The following CAMK1D variants were observed in gnomAD, a reference collection of about 807,000 sequenced individuals.
CAMK1D encodes calcium/calmodulin-dependent protein kinase type 1D.
CAMK1D carries 9 observed loss-of-function variants against 47.7 expected under a neutral mutation model. The ratio of observed to expected loss-of-function variants is 0.19; its 90% CI spans 0.11 to 0.33. The LOEUF is 0.33. Among genes scored for constraint, CAMK1D ranks in the 10% least tolerant of loss-of-function variants. The pLI is 1.00. For missense variants in CAMK1D, 291 were observed against 488.7 expected (o/e 0.60, Z 3.81); for synonymous variants, 184 against 184.9 (o/e 0.99, Z 0.04).
At chr10:12,367,006 C>G (rs1837856829) in intron 1 of CAMK1D, among the ~76,000 whole-genome samples, 1 of 152,178 alleles carries the variant, frequency 6.6e-6, no homozygotes, top group African/African-American at 2.4e-5. Context: ...GTCCCCATCT[C>G]TATCCTCATG....
chr10:12,507,899 C>T (rs1305853865), intron 1 of CAMK1D, among the ~76,000 whole-genome samples: 1 of 152,170 alleles, frequency 6.6e-6, no homozygotes, highest in Non-Finnish European at 1.5e-5. Context: ...AATTCACCCC[C>T]TCTTCTCTCA....
intron 2 of CAMK1D, among the ~76,000 whole-genome samples, chr10:12,584,985 A>G (rs568672221): frequency 1.8e-4 from 27 of 152,320 alleles, no homozygotes; most frequent in Middle Eastern, 3.4e-3. Flanking sequence ...AGCAAGTCAC[A>G]TATAGATTTA....
intron 1 of CAMK1D, among the ~76,000 whole-genome samples, chr10:12,531,119 AG>A (rs1835792516): frequency 6.6e-6 from 1 of 152,098 alleles, no homozygotes. Flanking sequence ...ACAGGCTTCA[AG>A]GACCCTACAT....
chr10:12,725,407 G>A (rs995642544), intron 3 of CAMK1D: 1 of 155,460 alleles, frequency 6.4e-6, no homozygotes, highest in East Asian at 1.9e-4. Context: ...CAAAAGTAGG[G>A]GGTTTTCTTC....
chr10:12,752,572 A>G (rs1265838384), intron 3 of CAMK1D, among the ~76,000 whole-genome samples: 8 of 152,168 alleles, frequency 5.3e-5, no homozygotes, highest in South Asian at 4.1e-4. Context: ...CTGTACTTGT[A>G]CCCCTTAAAT....
chr10:12,741,764 A>G (rs1835441502), intron 3 of CAMK1D, among the ~76,000 whole-genome samples: 1 of 152,112 alleles, frequency 6.6e-6, no homozygotes, highest in South Asian at 2.1e-4. Flanking sequence ...GGGCCAGGGA[A>G]GGGAATTGGG....
intron 2 of CAMK1D, among the ~76,000 whole-genome samples, chr10:12,593,339 C>T (rs1289653573): frequency 6.6e-6 from 1 of 152,190 alleles, no homozygotes; most frequent in African/African-American, 2.4e-5. Flanking sequence ...CCTGTAATCC[C>T]AGCACTTCGG....
chr10:12,764,380 T>TTAAAAAA (rs1836645184), intron 4 of CAMK1D, among the ~76,000 whole-genome samples: 1 of 2,872 alleles, frequency 3.5e-4, no homozygotes. Flanking sequence ...ACACTTTGTC[T>TTAAAAAA]CAAAAAAAAA....
chr10:12,670,879 ATGCAT>A (rs1840594781), intron 3 of CAMK1D, among the ~76,000 whole-genome samples: 1 of 152,120 alleles, frequency 6.6e-6, no homozygotes, highest in South Asian at 2.1e-4. Context: ...TCACAAGGTT[ATGCAT>A]CCATCACTAC....
chr10:12,751,051 AATAAGATAAG>A (rs141001552), intron 3 of CAMK1D, among the ~76,000 whole-genome samples: 12,574 of 135,650 alleles, frequency 0.093, 758 homozygotes, highest in Non-Finnish European at 0.11. Flanking sequence ...CGTCTCCCCC[AATAAGATAAG>A]ATAAGATAAG....
chr10:12,409,631 C>T (rs1839586714), intron 1 of CAMK1D, among the ~76,000 whole-genome samples: 1 of 152,220 alleles, frequency 6.6e-6, no homozygotes. Flanking sequence ...ATTCAGAGAT[C>T]ATACAGTTCA....
At position 12,462,156 on chromosome 10, in the gene CAMK1D, GTTTTTTTTTTTT is replaced by G. The variant is rs57336292; in HGVS notation, c.93-91053_93-91042del. Among the ~76,000 whole-genome samples, 237 of 79,642 alleles carry G rather than the reference GTTTTTTTTTTTT, an allele frequency of 3.0e-3. 2 individuals are homozygous for G. Among genetic ancestry groups the G allele is most frequent in the African/African-American group, 0.011 (221 of 19,870 alleles). 52.2% of individuals were successfully genotyped at this position (79,642 alleles called of 152,430 possible). ...AATTTGAATTTCTGGCCTATGAAGA[GTTTTTTTTTTTT>G]TTTTTTTTTTTTTTTAGGCAGAGTC... On this transcript the variant is annotated intron_variant, in intron 1 of 10. Transcript: ENST00000619168.
chr10:12,683,228 A>G (rs189119476), intron 3 of CAMK1D, among the ~76,000 whole-genome samples: 28 of 152,086 alleles, frequency 1.8e-4, no homozygotes, highest in Middle Eastern at 3.4e-3. Context: ...CTGGGACTAC[A>G]GGTGCGCACC....
At chr10:12,366,255 G>T (rs1033811990) in intron 1 of CAMK1D, among the ~76,000 whole-genome samples, 1 of 152,068 alleles carries the variant, frequency 6.6e-6, no homozygotes, top group Non-Finnish European at 1.5e-5. Flanking sequence ...TTTCATTTTC[G>T]GTTTTTAAGT....
At chr10:12,537,603 T>C (rs1042539512) in intron 1 of CAMK1D, among the ~76,000 whole-genome samples, 4 of 152,194 alleles carry the variant, frequency 2.6e-5, no homozygotes, top group Non-Finnish European at 5.9e-5. Flanking sequence ...ATTCTGTGAA[T>C]TGTATGTCTG....
Position 12,832,332 on chromosome 10 carries a change from T to C in CAMK1D, c.*3445T>C, listed in dbSNP as rs1644399. The C allele has an allele frequency of 0.18, 27,131 of 152,316 alleles. 2,545 individuals carry two copies. The highest frequency in any genetic ancestry group is 0.22 in the African/African-American group (9,144 of 41,486). The allele number at this position is 152,316 out of a possible 1,614,324, so 9.4% of individuals were successfully genotyped here. On this transcript the variant is annotated 3_prime_UTR_variant, in exon 11 of 11. Transcript: ENST00000619168. ...TGGAGTCTGGGCAGCTGTCTGCCTC[T>C]CTACGGCTCTGCTTCCCAGCGGGCA...
chr10:12,749,612 G>A (rs1213785193), intron 3 of CAMK1D, among the ~76,000 whole-genome samples: 2 of 148,700 alleles, frequency 1.3e-5, no homozygotes, highest in African/African-American at 5.0e-5. Flanking sequence ...AGGCCGAAGT[G>A]CAGTGGCACA....
At chr10:12,373,525 A>C (rs1001326037) in intron 1 of CAMK1D, among the ~76,000 whole-genome samples, 9 of 150,000 alleles carry the variant, frequency 6.0e-5, no homozygotes, top group African/African-American at 2.2e-4. Context: ...CCAGCTACTC[A>C]GGAGGCTGAG....
chr10:12,511,037 G>A (rs748231891), intron 1 of CAMK1D, among the ~76,000 whole-genome samples: 1 of 152,186 alleles, frequency 6.6e-6, no homozygotes, highest in Non-Finnish European at 1.5e-5. Flanking sequence ...GCACTTACAC[G>A]GGATGCGGAA....
Sources: allele counts gnomAD v4.1 joint callset (sites outside exome capture counted in the v4.1 genomes callset), GRCh38; gene constraint gnomAD v4.1.1; transcripts MANE v1.5; gene names NCBI Gene and HGNC (gene_info 2026-07-23, HGNC 2026-07-21).